Variants in ACOXL observed in about 807,000 individuals in gnomAD.
ACOXL encodes the protein acyl-CoA oxidase like, also known as acyl-coenzyme A oxidase-like protein.
ACOXL carries 70 observed loss-of-function variants against 71.9 expected under a neutral mutation model. That is an observed-to-expected ratio of 0.97 (90% CI 0.80 to 1.19). The LOEUF (loss-of-function observed/expected upper bound fraction) is 1.19. Among genes scored for constraint, ACOXL ranks in the 50% most tolerant of loss-of-function variants. ACOXL has a pLI of 0.00. For missense variants in ACOXL, 703 were observed against 736.3 expected (o/e 0.95, Z 0.52); for synonymous variants, 253 against 281.6 (o/e 0.90, Z 1.02).
At chr2:110,901,178 T>C (rs918607812) in intron 10 of ACOXL, among the ~76,000 whole-genome samples, 6 of 152,238 alleles carry the variant, frequency 3.9e-5, no homozygotes, top group Admixed American at 3.9e-4. Context: ...AGGGTGTTTA[T>C]GTTCCCCAGG....
At position 110,877,679 on chromosome 2, in the gene ACOXL, T is replaced by TCAGA. The variant is rs151210610; in HGVS notation, c.789-31108_789-31105dup. Among the ~76,000 whole-genome samples the TCAGA allele has an allele frequency of 9.0e-4, 137 of 152,214 alleles. 3 individuals carry two copies. The East Asian group carries it at 0.019, about 21-fold the overall frequency. ...CCATGTTATCTCAAAGTTACAAAGG[T>TCAGA]CAGACCCTCTACTGACATTGAGCCT... On this transcript the variant is annotated intron_variant, in intron 10 of 17. Transcript: ENST00000439055.
intron 16 of ACOXL, among the ~76,000 whole-genome samples, chr2:111,074,029 C>T (rs894261748): frequency 2.0e-5 from 3 of 151,984 alleles, no homozygotes; most frequent in African/African-American, 7.2e-5. Context: ...TTAAGTTTTG[C>T]TTTCTAGTTG....
At chr2:111,093,946 C>T (rs1199117353) in intron 17 of ACOXL, 1 of 155,678 alleles carries the variant, frequency 6.4e-6, no homozygotes, top group East Asian at 1.9e-4. Flanking sequence ...TTCGAATGAA[C>T]TTGGCCATAA....
intron 12 of ACOXL, among the ~76,000 whole-genome samples, chr2:110,977,890 A>G (rs1243680247): frequency 1.3e-5 from 2 of 152,216 alleles, no homozygotes; most frequent in East Asian, 1.9e-4. Flanking sequence ...GATCATCAGG[A>G]TAACAACCAT....
rs564053661 is a variant in ACOXL, at chr2:111,030,558, A to G, written c.1282-1069A>G. On this transcript the variant is annotated intron_variant, in intron 14 of 17. Coordinates refer to ENST00000439055, the MANE Select transcript of ACOXL (RefSeq NM_001142807.4). Reference sequence around the variant, plus strand: ...CTGTTTTTCCACCGGAGCACAAAGCACTGTGTTACAGCAGGGATTTTACAT... The same window carrying G: ...CTGTTTTTCCACCGGAGCACAAAGCGCTGTGTTACAGCAGGGATTTTACAT... Among the ~76,000 whole-genome samples the G allele has an allele frequency of 3.9e-5, 6 of 152,298 alleles. No individual in the cohort carries two copies. In the South Asian group the frequency reaches 1.2e-3, roughly 32 times the overall value.
chr2:111,083,984 T>G (rs1353649925), intron 16 of ACOXL, among the ~76,000 whole-genome samples: 1 of 151,970 alleles, frequency 6.6e-6, no homozygotes, highest in Non-Finnish European at 1.5e-5. Flanking sequence ...CATGGACTTG[T>G]CAGGAATAAA....
chr2:110,992,978 A>G (rs1448679306), intron 13 of ACOXL, among the ~76,000 whole-genome samples: 1 of 152,124 alleles, frequency 6.6e-6, no homozygotes, highest in Non-Finnish European at 1.5e-5. Context: ...CTATCAACCT[A>G]TTACTGTACC....
chr2:110,901,333 T>A (rs531831322), intron 10 of ACOXL, among the ~76,000 whole-genome samples: 21 of 152,320 alleles, frequency 1.4e-4, no homozygotes, highest in African/African-American at 5.1e-4. Context: ...GCTCTGTATG[T>A]AGACTATGTG....
chr2:110,983,094 C>T (rs17481486), intron 12 of ACOXL, among the ~76,000 whole-genome samples: 33,007 of 152,162 alleles, frequency 0.22, 4,506 homozygotes, highest in Middle Eastern at 0.31. Flanking sequence ...GTCCCACTGC[C>T]TGGATTCATA....
chr2:110,776,692 A>G (rs1043715899), intron 2 of ACOXL, among the ~76,000 whole-genome samples: 2 of 151,896 alleles, frequency 1.3e-5, no homozygotes, highest in African/African-American at 2.4e-5. Flanking sequence ...GGTGGTGACA[A>G]CCAGGGAGAT....
Position 110,955,125 on chromosome 2 carries a change from A to G in ACOXL, c.1059+21483A>G, listed in dbSNP as rs555962331. Among the ~76,000 whole-genome samples the G allele has an allele frequency of 1.9e-3, 284 of 152,306 alleles. 1 individual carries two copies. The highest frequency in any genetic ancestry group is 6.6e-3 in the African/African-American group (273 of 41,558). On this transcript the variant is annotated intron_variant, in intron 12 of 17. Transcript: ENST00000439055. ...TTGGATTCATTTGAGGTTAGTAAGT[A>G]CGTGGATTTGTGTCACTAACAATTC...
intron 14 of ACOXL, among the ~76,000 whole-genome samples, chr2:111,012,292 CT>C (rs1394887465): frequency 2.0e-5 from 3 of 152,118 alleles, no homozygotes; most frequent in Non-Finnish European, 4.4e-5. Flanking sequence ...GAGGTGCCTA[CT>C]TTTTTTAGAC....
intron 15 of ACOXL, among the ~76,000 whole-genome samples, chr2:111,045,938 G>A (rs1404978706): frequency 1.3e-5 from 2 of 152,196 alleles, no homozygotes; most frequent in African/African-American, 4.8e-5. Flanking sequence ...CACAAAACGG[G>A]GTCATGGCTG....
chr2:111,110,576 C>T (rs188656539), intron 17 of ACOXL, among the ~76,000 whole-genome samples: 1 of 152,290 alleles, frequency 6.6e-6, no homozygotes, highest in Admixed American at 6.5e-5. Flanking sequence ...TCCATCTGGC[C>T]ATTTTTCTCA....
intron 9 of ACOXL, among the ~76,000 whole-genome samples, chr2:110,840,774 A>G (rs917487333): frequency 2.6e-5 from 4 of 152,236 alleles, no homozygotes; most frequent in African/African-American, 9.6e-5. Flanking sequence ...GATGTCACAC[A>G]TGAATTTCAG....
chr2:110,736,867 G>A (rs778226573), intron 1 of ACOXL, among the ~76,000 whole-genome samples: 5 of 152,050 alleles, frequency 3.3e-5, no homozygotes, highest in East Asian at 1.9e-4. Flanking sequence ...TGATCTGCCC[G>A]CCTCGGCCTC....
chr2:111,005,031 G>T (rs2063807586), intron 14 of ACOXL, among the ~76,000 whole-genome samples: 1 of 152,176 alleles, frequency 6.6e-6, no homozygotes, highest in Non-Finnish European at 1.5e-5. Context: ...ACAGATTTCT[G>T]TTTATTTTCA....
chr2:110,754,523 C>T (rs1477555504), intron 1 of ACOXL, among the ~76,000 whole-genome samples: 2 of 152,210 alleles, frequency 1.3e-5, no homozygotes, highest in African/African-American at 4.8e-5. Context: ...ATATGTTCTC[C>T]ATTACCTTAA....
At chr2:110,958,049 C>CA (rs35899146) in intron 12 of ACOXL, among the ~76,000 whole-genome samples, 15,737 of 95,584 alleles carry the variant, frequency 0.16, 1,235 homozygotes, top group East Asian at 0.25. Flanking sequence ...GACTCCGTCT[C>CA]AAAAAAAAAA....
Sources: allele counts gnomAD v4.1 joint callset (sites outside exome capture counted in the v4.1 genomes callset), GRCh38; gene constraint gnomAD v4.1.1; transcripts MANE v1.5; gene names NCBI Gene and HGNC (gene_info 2026-07-23, HGNC 2026-07-21).